Variants in OPCML observed in about 807,000 individuals in gnomAD.
OPCML encodes opioid binding protein/cell adhesion molecule like.
A neutral mutation model predicts 37.8 loss-of-function variants in OPCML; 13 were observed. That is an observed-to-expected ratio of 0.34 (90% confidence interval 0.22 to 0.55). The LOEUF (loss-of-function observed/expected upper bound fraction) is 0.55. Ranked by LOEUF, OPCML falls within the 20% of genes least tolerant of loss-of-function variation. The pLI is 0.91. For missense variants in OPCML, 341 were observed against 435.6 expected, an observed-to-expected ratio of 0.78 and a Z score of 1.93; for synonymous variants, 176 against 168.8, an observed-to-expected ratio of 1.04 and a Z score of -0.33.
chr11:132,469,408 G>A (rs1050307376), intron 4 of OPCML, among the ~76,000 whole-genome samples: 1 of 151,572 alleles, frequency 6.6e-6, no homozygotes, highest in Admixed American at 6.6e-5. Context: ...TTTGTGTGTG[G>A]GGGTGCGTGT....
intron 1 of OPCML, among the ~76,000 whole-genome samples, chr11:133,012,603 C>T (rs1042351929): frequency 4.6e-5 from 7 of 152,248 alleles, no homozygotes; most frequent in South Asian, 2.1e-4. Flanking sequence ...GGGCCGGACA[C>T]GGTGGCTCAC....
At chr11:132,698,024 T>C (rs1172961080) in intron 2 of OPCML, among the ~76,000 whole-genome samples, 1 of 115,138 alleles carries the variant, frequency 8.7e-6, no homozygotes, top group African/African-American at 3.3e-5. Flanking sequence ...ATTTATTTAT[T>C]TATTGTAGAG....
At chr11:132,562,737 C>A (rs772677962) in intron 3 of OPCML, among the ~76,000 whole-genome samples, 2 of 151,958 alleles carry the variant, frequency 1.3e-5, no homozygotes, top group African/African-American at 2.4e-5. Flanking sequence ...GTTATCCAAG[C>A]AGAACGATGC....
intron 3 of OPCML, among the ~76,000 whole-genome samples, chr11:132,543,589 TA>T (rs771018901): frequency 5.3e-5 from 8 of 151,696 alleles, no homozygotes; most frequent in East Asian, 1.9e-4. Context: ...GTATTTCCAC[TA>T]AAAAAAATTA....
intron 1 of OPCML, among the ~76,000 whole-genome samples, chr11:133,244,036 C>T (rs1248028483): frequency 1.3e-5 from 2 of 152,108 alleles, no homozygotes; most frequent in African/African-American, 4.8e-5. Context: ...AGAGGGGCTC[C>T]AGGGGTGAGA....
chr11:133,377,403 C>T (rs1475247824), intron 1 of OPCML, among the ~76,000 whole-genome samples: 1 of 151,916 alleles, frequency 6.6e-6, no homozygotes, highest in Non-Finnish European at 1.5e-5. Flanking sequence ...TGCCAGTCTG[C>T]TGTCGGTTGA....
At chr11:133,259,258 C>T (rs1272620089) in intron 1 of OPCML, among the ~76,000 whole-genome samples, 2 of 152,206 alleles carry the variant, frequency 1.3e-5, no homozygotes, top group Admixed American at 6.5e-5. Flanking sequence ...TCTAACTACT[C>T]TTCAAGTGTT....
chr11:132,620,113 GC>G (rs1939311219), intron 3 of OPCML, among the ~76,000 whole-genome samples: 1 of 125,142 alleles, frequency 8.0e-6, no homozygotes, highest in Non-Finnish European at 1.7e-5. Flanking sequence ...CACTGTGTAA[GC>G]AATTTCACAT....
chr11:133,340,608 C>CTGTGTGTG (rs5795838), intron 1 of OPCML, among the ~76,000 whole-genome samples: 3 of 139,432 alleles, frequency 2.2e-5, no homozygotes, highest in East Asian at 2.2e-4. Context: ...AAGACTCTCT[C>CTGTGTGTG]TGTGTGTGTG....
At chr11:132,428,206 C>T (rs11822423) in intron 7 of OPCML, among the ~76,000 whole-genome samples, 18,244 of 152,134 alleles carry the variant, frequency 0.12, 1,338 homozygotes, top group Non-Finnish European at 0.16. Flanking sequence ...GAGGCCAGAA[C>T]GCAAGGGAAA....
intron 2 of OPCML, among the ~76,000 whole-genome samples, chr11:132,662,141 C>T (rs903683423): frequency 3.9e-5 from 6 of 151,914 alleles, no homozygotes; most frequent in African/African-American, 1.2e-4. Flanking sequence ...GGTTTTCAAC[C>T]TTTTCTGTGC....
chr11:132,538,449 T>A lies in OPCML; in HGVS notation c.380-9263A>T, dbSNP rs560732722. 2.0e-5 allele frequency among the ~76,000 whole-genome samples: 3 copies of A among 152,280 alleles called. No homozygotes were observed. The East Asian group carries it at 5.8e-4, about 29-fold the overall frequency. ...CTATTGATGGAGGTGGAGCTTCCTA[T>A]TGGAATTATAAAGATATTCTAGAAT... On this transcript the variant is annotated intron_variant, in intron 3 of 7. Coordinates refer to ENST00000524381, the MANE Select transcript of OPCML (RefSeq NM_001012393.5).
chr11:132,701,575 G>A (rs1159208791), intron 2 of OPCML, among the ~76,000 whole-genome samples: 1 of 152,056 alleles, frequency 6.6e-6, no homozygotes, highest in Non-Finnish European at 1.5e-5. Flanking sequence ...CAAATAGTTG[G>A]ACCAGTTTTT....
At chr11:133,499,187 C>T (rs1332329044) in intron 1 of OPCML, among the ~76,000 whole-genome samples, 1 of 152,124 alleles carries the variant, frequency 6.6e-6, no homozygotes, top group African/African-American at 2.4e-5. Context: ...TGGCAGCAAA[C>T]CAGCCCATAT....
At chr11:133,514,682 C>G (rs1337787608) in intron 1 of OPCML, among the ~76,000 whole-genome samples, 1 of 152,168 alleles carries the variant, frequency 6.6e-6, no homozygotes, top group Admixed American at 6.5e-5. Context: ...AACTCTATTG[C>G]CATAACTGTA....
At chr11:133,122,055 T>C (rs190947907) in intron 1 of OPCML, among the ~76,000 whole-genome samples, 50 of 152,330 alleles carry the variant, frequency 3.3e-4, no homozygotes, top group African/African-American at 1.2e-3. Flanking sequence ...AAGGCTCCCA[T>C]ATTCTCATAT....
intron 1 of OPCML, among the ~76,000 whole-genome samples, chr11:133,146,148 T>C (rs757660855): frequency 1.6e-4 from 24 of 152,214 alleles, no homozygotes; most frequent in Admixed American, 1.0e-3. Flanking sequence ...TTTGTGGGAC[T>C]GTGGCTGCGT....
At chr11:132,892,125 G>T (rs1943674501) in intron 2 of OPCML, among the ~76,000 whole-genome samples, 1 of 152,208 alleles carries the variant, frequency 6.6e-6, no homozygotes, top group Admixed American at 6.5e-5. Flanking sequence ...AAAGACAAGA[G>T]CCTTTGTTCC....
At position 132,442,108 on chromosome 11, in the gene OPCML, G is replaced by A. The variant is rs147594731; in HGVS notation, c.506-4749C>T. 3.0e-3 allele frequency among the ~76,000 whole-genome samples: 452 copies of A among 152,300 alleles called. 2 individuals are homozygous for A. The highest frequency in any genetic ancestry group is 0.01 in the African/African-American group (423 of 41,562). Reference sequence around the variant, plus strand: ...CAGACGCTGTGGTGAGGGAATGGGGGCAGAGACAATATGGAAAACAAGGAT... The same window carrying A: ...CAGACGCTGTGGTGAGGGAATGGGGACAGAGACAATATGGAAAACAAGGAT... On this transcript the variant is annotated intron_variant, in intron 4 of 7. Transcript: ENST00000524381.
Sources: gnomAD v4.1 joint callset for allele counts (sites outside exome capture counted in the v4.1 genomes callset) on GRCh38, gnomAD v4.1.1 for gene constraint, MANE v1.5 for transcripts, NCBI Gene and HGNC (gene_info 2026-07-23, HGNC 2026-07-21) for gene names.